Variants in RTN4RL1 observed in about 807,000 individuals in gnomAD.
RTN4RL1 encodes reticulon-4 receptor-like 1.
In RTN4RL1, 7 loss-of-function variants were observed where a neutral mutation model predicts 25.6. The ratio of observed to expected loss-of-function variants is 0.27; its 90% confidence interval spans 0.16 to 0.51. The LOEUF (loss-of-function observed/expected upper bound fraction) is 0.51. Among genes scored for constraint, RTN4RL1 ranks in the 20% least tolerant of loss-of-function variants. The pLI is 0.97. For synonymous variants in RTN4RL1, 297 were observed against 288.2 expected, an observed-to-expected ratio of 1.03 and a Z score of -0.31; for missense variants, 500 against 615.6, an observed-to-expected ratio of 0.81 and a Z score of 1.99.
intron 1 of RTN4RL1, among the ~76,000 whole-genome samples, chr17:2,022,248 A>G (rs1412987594): frequency 1.3e-5 from 2 of 152,190 alleles, no homozygotes; most frequent in East Asian, 2.0e-4. Flanking sequence ...TCTGGGAGGC[A>G]GAGGTTGCAG....
At chr17:1,992,827 C>T (rs887312581) in intron 1 of RTN4RL1, among the ~76,000 whole-genome samples, 5 of 152,242 alleles carry the variant, frequency 3.3e-5, no homozygotes, top group Admixed American at 2.0e-4. Context: ...GTGTGTCCTA[C>T]GCCTGCTGAC....
intron 1 of RTN4RL1, among the ~76,000 whole-genome samples, chr17:1,949,016 GCA>G (rs1915622629): frequency 6.6e-6 from 1 of 151,796 alleles, no homozygotes; most frequent in Non-Finnish European, 1.5e-5. Flanking sequence ...GAGTGCAGTG[GCA>G]TGATCTCGGC....
chr17:2,011,518 A>G (rs1212225928), intron 1 of RTN4RL1, among the ~76,000 whole-genome samples: 2 of 152,126 alleles, frequency 1.3e-5, no homozygotes, highest in Non-Finnish European at 2.9e-5. Flanking sequence ...GGGTGGGTCC[A>G]TGGCTTTGGA....
At chr17:1,951,148 C>T (rs1368041633) in intron 1 of RTN4RL1, among the ~76,000 whole-genome samples, 1 of 151,730 alleles carries the variant, frequency 6.6e-6, no homozygotes, top group Non-Finnish European at 1.5e-5. Context: ...ACCTGTAGTC[C>T]CAGCTACTCG....
chr17:2,018,260 C>G (rs1333148302), intron 1 of RTN4RL1, among the ~76,000 whole-genome samples: 1 of 152,222 alleles, frequency 6.6e-6, no homozygotes, highest in East Asian at 1.9e-4. Flanking sequence ...GCACAGCCCC[C>G]CAATAATCCA....
rs140366091 is a variant in RTN4RL1 at position 2,022,328 on chromosome 17, T to C, written c.13+2525A>G. Among the ~76,000 whole-genome samples, 404 of 152,068 alleles carry C rather than the reference T, an allele frequency of 2.7e-3. 1 individual carries two copies. Among genetic ancestry groups the C allele is most frequent in the Non-Finnish European group, 4.7e-3 (319 of 67,976 alleles). On this transcript the variant is annotated intron_variant, in intron 1 of 1. Coordinates refer to ENST00000331238, the MANE Select transcript of RTN4RL1 (RefSeq NM_178568.4). Reference sequence around the variant, plus strand: ...GAAACTCTGTCTCAAAAAAAATTTTTTTTTGTAGAGACGAAGTCCCACTCT... The same window carrying C: ...GAAACTCTGTCTCAAAAAAAATTTTCTTTTGTAGAGACGAAGTCCCACTCT...
intron 1 of RTN4RL1, among the ~76,000 whole-genome samples, chr17:2,007,498 T>C (rs2067007375): frequency 6.6e-6 from 1 of 152,162 alleles, no homozygotes; most frequent in African/African-American, 2.4e-5. Context: ...TGTGAAGGCC[T>C]TGGCCTCTCA....
chr17:1,946,676 G>T (rs1265197000), intron 1 of RTN4RL1, among the ~76,000 whole-genome samples: 1 of 147,578 alleles, frequency 6.8e-6, no homozygotes, highest in African/African-American at 2.5e-5. Flanking sequence ...GTGTGTCTGT[G>T]TGCATCTCTG....
intron 1 of RTN4RL1, among the ~76,000 whole-genome samples, chr17:2,001,111 T>C (rs1044165450): frequency 2.6e-5 from 4 of 151,388 alleles, no homozygotes; most frequent in Non-Finnish European, 2.9e-5. Flanking sequence ...GGCATTGAAC[T>C]CCTGGGTTCA....
At chr17:1,984,398 C>T (rs1266007686) in intron 1 of RTN4RL1, among the ~76,000 whole-genome samples, 2 of 152,298 alleles carry the variant, frequency 1.3e-5, no homozygotes, top group East Asian at 3.9e-4. Flanking sequence ...GGGTCTCGCT[C>T]TGTCAAACAG....
intron 1 of RTN4RL1, among the ~76,000 whole-genome samples, chr17:1,986,587 G>A (rs73290097): frequency 0.054 from 8,190 of 152,146 alleles, 706 homozygotes; most frequent in African/African-American, 0.18. Context: ...AGAGACTGGA[G>A]CGATGCAGCC....
rs1274542991 is a variant in RTN4RL1 at position 1,937,430 on chromosome 17, T to C, written c.392A>G (p.Tyr131Cys). 1 of 1,613,368 alleles carries C rather than the reference T, an allele frequency of 6.2e-7. No homozygotes were observed. The highest frequency in any genetic ancestry group is 1.1e-5 in the South Asian group (1 of 91,050). Residue 131 changes from tyrosine (Y) to cysteine (C), a missense_variant, in exon 2 of 2, where the codon TAC (tyrosine) becomes TGC (cysteine). Physicochemically the swap from Tyr to Cys is radical, Grantham distance 194. Transcript: ENST00000331238. The stretch of plus-strand genomic sequence containing the variant: ...GGCGCTGAGCCCACACTTGTAGAGG[T>C]AGAGGGCGTGAAGCTTCACCAGGCC... Reference protein sequence around the residue: ...FQGLVKLHALYLYKCGLSALP... With the variant: ...FQGLVKLHALCLYKCGLSALP...
In RTN4RL1 at chr17:1,935,233, T is replaced by A. The variant is rs2151302834; in HGVS notation, c.*1263A>T. On this transcript the variant is annotated 3_prime_UTR_variant, in exon 2 of 2. Transcript: ENST00000331238. ...CCCTTTGGACTAACACTGTGGATGC[T>A]GCCTGGCCTGCTGGTTTCCAGATCC... The A allele has an allele frequency of 6.5e-6, 1 of 153,348 alleles. No homozygotes were observed. Among genetic ancestry groups the A allele is most frequent in the East Asian group, 1.9e-4 (1 of 5,200 alleles). The allele number at this position is 153,348 out of a possible 1,614,324, so 9.5% of individuals were successfully genotyped here. A position where few individuals can be genotyped will look rare whatever the true frequency, so the allele number is the denominator to read the frequency against.
chr17:1,993,840 C>T (rs1364140502), intron 1 of RTN4RL1, among the ~76,000 whole-genome samples: 1 of 152,110 alleles, frequency 6.6e-6, no homozygotes, highest in African/African-American at 2.4e-5. Context: ...ATTGCTCAGC[C>T]CCTGTATTCA....
At chr17:1,991,011 G>A (rs1194321986) in intron 1 of RTN4RL1, among the ~76,000 whole-genome samples, 6 of 152,128 alleles carry the variant, frequency 3.9e-5, no homozygotes, top group Non-Finnish European at 1.5e-5. Flanking sequence ...TAGGCGCAGA[G>A]AGCACCAACC....
At chr17:1,952,653 C>A (rs751642902) in intron 1 of RTN4RL1, among the ~76,000 whole-genome samples, 1 of 151,748 alleles carries the variant, frequency 6.6e-6, no homozygotes, top group African/African-American at 2.4e-5. Context: ...TCTCCTCCCC[C>A]ATTTTCATTC....
intron 1 of RTN4RL1, among the ~76,000 whole-genome samples, chr17:1,977,919 C>A (rs893258568): frequency 3.3e-5 from 5 of 151,238 alleles, no homozygotes; most frequent in Admixed American, 6.6e-5. Context: ...CATCGGAGCC[C>A]CGCGTCCCGC....
chr17:2,016,183 C>T (rs2151328794), intron 1 of RTN4RL1, among the ~76,000 whole-genome samples: 1 of 152,314 alleles, frequency 6.6e-6, no homozygotes, highest in East Asian at 1.9e-4. Context: ...GAGTTCAAGA[C>T]CAGCCTGGCC....
At chr17:2,016,013 G>A (rs4790865) in intron 1 of RTN4RL1, among the ~76,000 whole-genome samples, 43,129 of 152,112 alleles carry the variant, frequency 0.28, 6,617 homozygotes, top group East Asian at 0.54. Context: ...TTCCCCCTGG[G>A]TCTGGCTCTG....
Sources: gnomAD v4.1 joint callset for allele counts (sites outside exome capture counted in the v4.1 genomes callset) on GRCh38, gnomAD v4.1.1 for gene constraint, MANE v1.5 for transcripts, NCBI Gene and HGNC (gene_info 2026-07-23, HGNC 2026-07-21) for gene names.